The following PMS1 variants were observed in gnomAD, a reference collection of about 807,000 sequenced individuals.
The protein encoded by PMS1 is PMS1 homolog 1, mismatch repair system component, also known as PMS1 protein homolog 1.
PMS1 carries 79 observed loss-of-function variants against 93.1 expected under a neutral mutation model. The ratio of observed to expected loss-of-function variants is 0.85; its 90% CI spans 0.71 to 1.02. PMS1 has a LOEUF of 1.02. Ranked by LOEUF, PMS1 falls within the 50% of genes least tolerant of loss-of-function variation. The probability of loss-of-function intolerance (pLI) is 0.00; values close to 1 mark genes in which losing one functional copy is unlikely to be tolerated. For missense variants in PMS1, 1,064 were observed against 1,085.3 expected, an observed-to-expected ratio of 0.98 and a Z score of 0.28; for synonymous variants, 335 against 363.4, an observed-to-expected ratio of 0.92 and a Z score of 0.89.
chr2:189,797,534 C>CGA (rs2106241239), intron 3 of PMS1, among the ~76,000 whole-genome samples: 2 of 152,278 alleles, frequency 1.3e-5, no homozygotes, highest in Admixed American at 1.3e-4. Context: ...GTGACAGTAT[C>CGA]TATGTGCCAG....
intron 6 of PMS1, among the ~76,000 whole-genome samples, chr2:189,845,976 G>A (rs1230865277): frequency 2.6e-5 from 4 of 151,820 alleles, no homozygotes; most frequent in Non-Finnish European, 5.9e-5. Flanking sequence ...TGCCCACCCC[G>A]GCCTCCCAAA....
chr2:189,827,589 G>C (rs1355626514), intron 5 of PMS1, among the ~76,000 whole-genome samples: 1 of 152,066 alleles, frequency 6.6e-6, no homozygotes, highest in African/African-American at 2.4e-5. Context: ...CAACCTAAAT[G>C]CCCATCAAAT....
At chr2:189,867,703 A>G (rs2056781700) in intron 10 of PMS1, 96 bp from the exon 11 acceptor site, 3 of 826,804 alleles carry the variant, frequency 3.6e-6, no homozygotes, top group African/African-American at 3.4e-5. Flanking sequence ...GTTAATGATG[A>G]TAACACTTGT....
chr2:189,797,954 A>G (rs1421154469), intron 3 of PMS1, among the ~76,000 whole-genome samples: 1 of 152,220 alleles, frequency 6.6e-6, no homozygotes, highest in Non-Finnish European at 1.5e-5. Context: ...TAAGTTGAAA[A>G]TATTGTAAAT....
At chr2:189,821,667 G>T (rs1575142524) in intron 5 of PMS1, among the ~76,000 whole-genome samples, 1 of 151,884 alleles carries the variant, frequency 6.6e-6, no homozygotes, top group African/African-American at 2.4e-5. Flanking sequence ...AAATTAGACG[G>T]GTGTGGTGGC....
At chr2:189,862,973 A>G (rs910997131) in intron 9 of PMS1, among the ~76,000 whole-genome samples, 3 of 152,136 alleles carry the variant, frequency 2.0e-5, no homozygotes, top group African/African-American at 7.2e-5. Context: ...GTTGTTCTGG[A>G]AGCAGACAGC....
chr2:189,792,853 C>T (rs1014186366), intron 2 of PMS1, among the ~76,000 whole-genome samples: 1 of 150,240 alleles, frequency 6.7e-6, no homozygotes, highest in Non-Finnish European at 1.5e-5. Context: ...GCTTTTTCGC[C>T]CAGGCTGGAG....
At chr2:189,798,891 T>C (rs2049616565) in intron 3 of PMS1, among the ~76,000 whole-genome samples, 1 of 152,154 alleles carries the variant, frequency 6.6e-6, no homozygotes. Context: ...CCTTCAGAGC[T>C]GAAATTAGTC....
chr2:189,805,316 A>G (rs5743013), intron 3 of PMS1, among the ~76,000 whole-genome samples: 2,401 of 152,306 alleles, frequency 0.016, 63 homozygotes, highest in African/African-American at 0.055. Context: ...TTAAAAAGCA[A>G]GTTCCCTTAA....
rs2056320160 is a variant in PMS1, at chr2:189,864,082, T to A, written c.2196T>A (p.Phe732Leu). ...CTTGCTTGATCCACAATCTCAGGTT[T>A]CCTGATGCATGGCTAATGACATCCA... ...DEPCLIHNLRFPDAWLMTSKT... is the reference protein window; with the variant it reads ...DEPCLIHNLRLPDAWLMTSKT... Residue 732 changes from phenylalanine (F) to leucine (L), a missense_variant, in exon 10 of 13, where the codon TTT (phenylalanine) becomes TTA (leucine). Coordinates refer to ENST00000441310, the MANE Select transcript of PMS1 (RefSeq NM_000534.5). 1.9e-6 allele frequency: 3 copies of A among 1,613,592 alleles called. No homozygotes were observed. The highest frequency in any genetic ancestry group is 2.5e-6 in the Non-Finnish European group (3 of 1,179,780).
chr2:189,841,477 A>G (rs1184701080), intron 5 of PMS1, among the ~76,000 whole-genome samples: 1 of 152,212 alleles, frequency 6.6e-6, no homozygotes, highest in African/African-American at 2.4e-5. Context: ...GATGGCACAG[A>G]TCAGCAAGCA....
In PMS1 at chr2:189,855,048, A is replaced by G. The variant is rs1328244495; in HGVS notation, c.1776A>G (p.Glu592=). The G allele has an allele frequency of 1.2e-6, 2 of 1,613,296 alleles. No individual in the cohort carries two copies. The highest frequency in any genetic ancestry group is 1.7e-6 in the Non-Finnish European group (2 of 1,179,326). ...VQDHRPQFLI[E]NPKTSLEDAT... is the part of the protein sequence containing the mutation. ...ATCATCGTCCTCAGTTTCTCATAGA[A>G]AATCCTAAGACTAGTTTAGAGGATG... Residue 592 remains glutamate (E), a synonymous_variant, in exon 9 of 13, where the codon GAA becomes GAG. Coordinates refer to ENST00000441310, the MANE Select transcript of PMS1 (RefSeq NM_000534.5).
intron 5 of PMS1, among the ~76,000 whole-genome samples, chr2:189,824,844 A>G (rs1229330728): frequency 1.3e-5 from 2 of 152,102 alleles, no homozygotes; most frequent in Non-Finnish European, 2.9e-5. Context: ...ATGTTAAAAT[A>G]TATTGTTAAA....
At chr2:189,811,619 TA>T (rs1466976936) in intron 4 of PMS1, among the ~76,000 whole-genome samples, 1 of 151,820 alleles carries the variant, frequency 6.6e-6, no homozygotes, top group African/African-American at 2.4e-5. Flanking sequence ...ACTAATAACA[TA>T]ATTAAGATTG....
intron 1 of PMS1, 102 bp from the exon 2 acceptor site, chr2:189,791,688 C>G: frequency 1.3e-6 from 1 of 764,484 alleles, no homozygotes; most frequent in South Asian, 1.4e-5. Flanking sequence ...TACAGTAAGT[C>G]TCAGTGAAGA....
intron 9 of PMS1, among the ~76,000 whole-genome samples, chr2:189,859,652 T>G (rs1295029323): frequency 1.3e-5 from 2 of 152,162 alleles, no homozygotes. Flanking sequence ...AAAAGATCTC[T>G]TAACTTTCTA....
intron 1 of PMS1, among the ~76,000 whole-genome samples, chr2:189,788,449 G>C (rs2048560346): frequency 6.6e-6 from 1 of 152,140 alleles, no homozygotes. Context: ...CCATTTTATA[G>C]ATTAGGTGAT....
chr2:189,858,514 T>C (rs2055601106), intron 9 of PMS1, among the ~76,000 whole-genome samples: 1 of 152,154 alleles, frequency 6.6e-6, no homozygotes, highest in Non-Finnish European at 1.5e-5. Flanking sequence ...TTACTTAACA[T>C]TTACTTAATA....
In PMS1 at chr2:189,850,357, G is replaced by T. The variant is rs576988186; in HGVS notation, c.700-2298G>T. Among the ~76,000 whole-genome samples, 10 of 152,244 alleles carry T rather than the reference G, an allele frequency of 6.6e-5. 1 individual carries two copies. The East Asian group carries it at 1.5e-3, about 24-fold the overall frequency. ...AGAGGAGATGGGTTTAACAGACTAG[G>T]TAGCTGGCAGAGCCCTTATCATAGT... On this transcript the variant is annotated intron_variant, in intron 6 of 12. Transcript: ENST00000441310.
Sources: gnomAD v4.1 joint callset for allele counts (sites outside exome capture counted in the v4.1 genomes callset) on GRCh38, gnomAD v4.1.1 for gene constraint, MANE v1.5 for transcripts, NCBI Gene and HGNC (gene_info 2026-07-23, HGNC 2026-07-21) for gene names.